The following LPCAT2 variants were observed in gnomAD, a reference collection of about 807,000 sequenced individuals.
LPCAT2 encodes the protein 1-AGP acyltransferase 11.
LPCAT2 carries 58 observed loss-of-function variants against 64.7 expected under a neutral mutation model. The ratio of observed to expected loss-of-function variants is 0.90; its 90% confidence interval spans 0.73 to 1.12. The LOEUF (loss-of-function observed/expected upper bound fraction) is 1.12. Ranked by LOEUF, LPCAT2 falls within the 50% of genes most tolerant of loss-of-function variation. The pLI, the probability that LPCAT2 is intolerant of heterozygous loss-of-function variation, is 0.00. For missense variants in LPCAT2, 579 were observed against 669.8 expected (o/e 0.86, Z 1.50); for synonymous variants, 252 against 245.3 (o/e 1.03, Z -0.26).
At chr16:55,560,193 C>A (rs1963620662) in intron 11 of LPCAT2, among the ~76,000 whole-genome samples, 1 of 152,064 alleles carries the variant, frequency 6.6e-6, no homozygotes, top group Admixed American at 6.5e-5. Flanking sequence ...GAGTGACAGT[C>A]CAAGATGATA....
At position 55,509,258 on chromosome 16, in the gene LPCAT2, C is replaced by T. The variant is rs1435217027; in HGVS notation, c.77C>T (p.Pro26Leu). 3 of 1,500,742 alleles carry T rather than the reference C, an allele frequency of 2.0e-6. No individual in the cohort carries two copies. The highest frequency in any genetic ancestry group is 1.4e-5 in the African/African-American group (1 of 69,904). The allele number at this position is 1,500,742 out of a possible 1,614,324, so 93.0% of individuals were successfully genotyped here. A position where few individuals can be genotyped will look rare whatever the true frequency, so the allele number is the denominator to read the frequency against. ...GAGVGNVGLRPPMVPRQASFF... is the reference protein window; with the variant it reads ...GAGVGNVGLRLPMVPRQASFF... ...GGCGTCGGGAACGTGGGGCTGCGGC[C>T]GCCCATGGTGCCCCGTCAGGCGTCC... is the stretch of plus-strand genomic sequence containing the variant. The change falls in exon 1 of 14, where the codon CCG becomes CTG. Residue 26 changes from proline to leucine, a missense_variant. By Grantham distance (98) the Pro-to-Leu change is moderately conservative. Coordinates refer to ENST00000262134, the MANE Select transcript of LPCAT2 (RefSeq NM_017839.5).
intron 8 of LPCAT2, among the ~76,000 whole-genome samples, chr16:55,544,465 A>G (rs924191603): frequency 6.6e-6 from 1 of 152,158 alleles, no homozygotes; most frequent in Non-Finnish European, 1.5e-5. Flanking sequence ...GAGGGCAGGG[A>G]CTTTGCTGTC....
intron 10 of LPCAT2, 22 bp downstream of exon 10, chr16:55,549,424 T>C: frequency 6.4e-7 from 1 of 1,570,942 alleles, no homozygotes. Flanking sequence ...TTAAAATGAC[T>C]ACACTTTCAT....
intron 4 of LPCAT2, among the ~76,000 whole-genome samples, chr16:55,531,062 G>C (rs1297590134): frequency 6.6e-6 from 1 of 152,008 alleles, no homozygotes; most frequent in Admixed American, 6.6e-5. Flanking sequence ...ATTTGATATT[G>C]TATCCCGTTG....
At chr16:55,580,395 G>A (rs900481940) in intron 13 of LPCAT2, among the ~76,000 whole-genome samples, 1 of 152,128 alleles carries the variant, frequency 6.6e-6, no homozygotes, top group Non-Finnish European at 1.5e-5. Context: ...TGAAAAACTA[G>A]TTGGAATAAC....
At chr16:55,516,576 A>G (rs542431006) in intron 1 of LPCAT2, among the ~76,000 whole-genome samples, 1 of 152,356 alleles carries the variant, frequency 6.6e-6, no homozygotes, top group Non-Finnish European at 1.5e-5. Flanking sequence ...TAATGATAAG[A>G]GGGTTGATTC....
chr16:55,551,060 T>C lies in LPCAT2; in HGVS notation c.1173T>C (p.Pro391=), dbSNP rs747555198. The C allele has an allele frequency of 9.9e-6, 16 of 1,612,976 alleles. No homozygotes were observed. Among genetic ancestry groups the C allele is most frequent in the Non-Finnish European group, 1.4e-5 (16 of 1,179,444 alleles). The change falls in exon 11 of 14, where the codon CCT becomes CCC. Residue 391 remains proline (P), a synonymous_variant. Coordinates refer to ENST00000262134, the MANE Select transcript of LPCAT2 (RefSeq NM_017839.5). ...AATTCGCCAAGTATTTAAAGTTGCCTGTTTCAGATGTCTTGAGACAACTTT... is the reference window on the plus strand; with the variant it reads ...AATTCGCCAAGTATTTAAAGTTGCCCGTTTCAGATGTCTTGAGACAACTTT... The part of the protein sequence containing the change: ...IEEFAKYLKL[P]VSDVLRQLFA...
chr16:55,554,128 C>T (rs1044390229), intron 11 of LPCAT2, among the ~76,000 whole-genome samples: 2 of 151,872 alleles, frequency 1.3e-5, no homozygotes, highest in Admixed American at 6.6e-5. Flanking sequence ...GTTTAAGGGC[C>T]CTTGGATTTT....
chr16:55,530,102 A>G (rs1416565653), intron 4 of LPCAT2, among the ~76,000 whole-genome samples, 155 bp downstream of exon 4: 2 of 152,268 alleles, frequency 1.3e-5, no homozygotes, highest in South Asian at 2.1e-4. Context: ...AGTAGCCAGT[A>G]TTAAGAAGTC....
chr16:55,576,008 T>C (rs1963823432), intron 12 of LPCAT2, among the ~76,000 whole-genome samples: 1 of 152,194 alleles, frequency 6.6e-6, no homozygotes, highest in Non-Finnish European at 1.5e-5. Context: ...GTACGTGTAA[T>C]TATCAGTTTA....
chr16:55,534,676 C>G (rs534634440), intron 7 of LPCAT2, among the ~76,000 whole-genome samples, 199 bp downstream of exon 7: 10 of 152,210 alleles, frequency 6.6e-5, no homozygotes, highest in African/African-American at 2.2e-4. Flanking sequence ...ACCACTAACC[C>G]CTGGAGTCTT....
intron 4 of LPCAT2, among the ~76,000 whole-genome samples, chr16:55,530,548 C>G (rs1438376852): frequency 6.6e-6 from 1 of 152,092 alleles, no homozygotes; most frequent in Non-Finnish European, 1.5e-5. Flanking sequence ...AATAGTCACT[C>G]CTTTATCTTT....
intron 10 of LPCAT2, 75 bp from the exon 11 acceptor site, chr16:55,550,874 A>C: frequency 8.3e-7 from 1 of 1,211,756 alleles, no homozygotes; most frequent in Non-Finnish European, 1.1e-6. Context: ...TACATTAATA[A>C]AATAATGATC....
intron 11 of LPCAT2, chr16:55,567,505 G>A: frequency 6.2e-7 from 1 of 1,610,846 alleles, no homozygotes; most frequent in Non-Finnish European, 8.5e-7. Context: ...TATTCCTGAA[G>A]TGGGAACTGA....
chr16:55,556,723 G>C (rs562840004), intron 11 of LPCAT2, among the ~76,000 whole-genome samples: 103 of 152,338 alleles, frequency 6.8e-4, no homozygotes, highest in Non-Finnish European at 1.1e-3. Flanking sequence ...ACTCCAGCCT[G>C]GGCGACAGAG....
At chr16:55,557,232 T>C (rs968482354) in intron 11 of LPCAT2, among the ~76,000 whole-genome samples, 1 of 152,156 alleles carries the variant, frequency 6.6e-6, no homozygotes, top group Non-Finnish European at 1.5e-5. Context: ...TTTTCCTTTT[T>C]TCCTTTCTCT....
Position 55,510,115 on chromosome 16 carries a change from G to C in LPCAT2, c.171+763G>C, listed in dbSNP as rs76450269. Among the ~76,000 whole-genome samples the C allele has an allele frequency of 2.9e-3, 429 of 150,428 alleles. 2 individuals carry two copies. Among genetic ancestry groups the C allele is most frequent in the African/African-American group, 9.4e-3 (385 of 41,084 alleles). On this transcript the variant is annotated intron_variant, in intron 1 of 13. Coordinates refer to ENST00000262134, the MANE Select transcript of LPCAT2 (RefSeq NM_017839.5). ...CAGGTAAGGCTGGAAAGATTTAGCT[G>C]AGCAGGAGCATGATGGAGGGTGGGA...
chr16:55,533,710 G>T (rs1234520928), intron 6 of LPCAT2, among the ~76,000 whole-genome samples: 1 of 152,138 alleles, frequency 6.6e-6, no homozygotes, highest in African/African-American at 2.4e-5. Flanking sequence ...ACTGCATCTG[G>T]CCTAGCTTAA....
At chr16:55,578,785 T>C (rs1180666797) in intron 12 of LPCAT2, among the ~76,000 whole-genome samples, 2 of 152,198 alleles carry the variant, frequency 1.3e-5, no homozygotes, top group Admixed American at 1.3e-4. Flanking sequence ...TGGGAACTTT[T>C]CTTCATGTTC....
Sources: gnomAD v4.1 joint callset for allele counts (sites outside exome capture counted in the v4.1 genomes callset) on GRCh38, gnomAD v4.1.1 for gene constraint, MANE v1.5 for transcripts, NCBI Gene and HGNC (gene_info 2026-07-23, HGNC 2026-07-21) for gene names.